The following UBE3C variants were observed in gnomAD, a reference collection of about 807,000 sequenced individuals.
UBE3C encodes the protein ubiquitin protein ligase E3C.
In UBE3C, 42 loss-of-function variants were observed where a neutral mutation model predicts 129.4. The ratio of observed to expected loss-of-function variants is 0.32; its 90% CI spans 0.25 to 0.42. The LOEUF is 0.42. Ranked by LOEUF, UBE3C falls within the 10% of genes least tolerant of loss-of-function variation. The pLI is 1.00. For synonymous variants in UBE3C, 510 were observed against 492.4 expected (o/e 1.04, Z -0.47); for missense variants, 1,049 against 1,319.1 (o/e 0.80, Z 3.17).
intron 1 of UBE3C, among the ~76,000 whole-genome samples, chr7:157,144,969 A>G (rs755656547): frequency 1.3e-5 from 2 of 152,110 alleles, no homozygotes; most frequent in Admixed American, 1.3e-4. Context: ...TATACAGAAG[A>G]GTGTCATTGC....
Position 157,220,757 on chromosome 7 carries a change from G to T in UBE3C, c.1983G>T (p.Pro661=). The T allele has an allele frequency of 6.2e-7, 1 of 1,614,146 alleles. No individual in the cohort carries two copies. The highest frequency in any genetic ancestry group is 1.6e-4 in the Middle Eastern group (1 of 6,062). Residue 661 remains proline (P), a synonymous_variant, in exon 15 of 23, where the codon CCG becomes CCT. Coordinates refer to ENST00000348165, the MANE Select transcript of UBE3C (RefSeq NM_014671.3). ...TCCGGCGGATGGGGAGGATAGGCCC[G>T]CTGCAGTCCACCCTGGACGGTGAGT... ...WRFRRMGRIG[P]LQSTLDVGLE... is the part of the protein sequence containing the mutation.
chr7:157,254,920 G>A (rs1054094146), intron 21 of UBE3C, among the ~76,000 whole-genome samples: 2 of 86,666 alleles, frequency 2.3e-5, no homozygotes, highest in Non-Finnish European at 4.3e-5. Flanking sequence ...CAGTCCCAGC[G>A]TGGTGGCGTA....
intron 13 of UBE3C, 130 bp from the exon 14 acceptor site, chr7:157,216,737 G>A (rs1795585128): frequency 1.4e-6 from 1 of 689,712 alleles, no homozygotes; most frequent in Admixed American, 2.8e-5. Context: ...TCTGTGAGCG[G>A]GTTTGGTGTC....
At chr7:157,262,408 G>GTTT (rs1247521634) in intron 22 of UBE3C, among the ~76,000 whole-genome samples, 12 of 19,688 alleles carry the variant, frequency 6.1e-4, no homozygotes, top group Non-Finnish European at 9.2e-4. Context: ...CTCTTCATAG[G>GTTT]CTTTTTTTTT....
At chr7:157,267,471 G>T (rs1797110758) in intron 22 of UBE3C, 114 bp from the exon 23 acceptor site, 2 of 1,275,152 alleles carry the variant, frequency 1.6e-6, no homozygotes, top group South Asian at 2.6e-5. Context: ...GGGAAAATGT[G>T]ACTGCAATGG....
intron 13 of UBE3C, among the ~76,000 whole-genome samples, chr7:157,210,959 G>C (rs1460177343): frequency 1.3e-5 from 2 of 152,190 alleles, no homozygotes; most frequent in Non-Finnish European, 2.9e-5. Context: ...TGCTAAAACA[G>C]TTTATGCATT....
At chr7:157,202,245 T>G (rs1160131980) in intron 11 of UBE3C, among the ~76,000 whole-genome samples, 2 of 152,242 alleles carry the variant, frequency 1.3e-5, no homozygotes, top group African/African-American at 4.8e-5. Flanking sequence ...TTAAAAAATA[T>G]CATCTTTGAC....
At chr7:157,164,689 C>A (rs1392945591) in intron 2 of UBE3C, among the ~76,000 whole-genome samples, 1 of 152,064 alleles carries the variant, frequency 6.6e-6, no homozygotes, top group East Asian at 1.9e-4. Flanking sequence ...TTTAACAATT[C>A]ATTTAGGCCC....
intron 10 of UBE3C, among the ~76,000 whole-genome samples, chr7:157,194,939 G>A (rs1809075548): frequency 6.6e-6 from 1 of 151,988 alleles, no homozygotes; most frequent in African/African-American, 2.4e-5. Flanking sequence ...ATTGAGGGAA[G>A]AACTGTTGAA....
At chr7:157,172,936 T>C (rs1808418172) in intron 4 of UBE3C, among the ~76,000 whole-genome samples, 1 of 152,226 alleles carries the variant, frequency 6.6e-6, no homozygotes, top group South Asian at 2.1e-4. Flanking sequence ...ACAGTCTTGC[T>C]TCAGAAGCCA....
chr7:157,244,712 G>A (rs1014576559), intron 18 of UBE3C, among the ~76,000 whole-genome samples: 4 of 152,152 alleles, frequency 2.6e-5, no homozygotes, highest in Admixed American at 6.5e-5. Context: ...ATTGCGTCGC[G>A]ACTGCACTCA....
At chr7:157,229,355 C>T (rs1795959961) in intron 17 of UBE3C, among the ~76,000 whole-genome samples, 1 of 152,146 alleles carries the variant, frequency 6.6e-6, no homozygotes, top group Non-Finnish European at 1.5e-5. Flanking sequence ...TCTCTTGTTG[C>T]CCAGGCTGGA....
chr7:157,236,839 C>G (rs1796165554), intron 18 of UBE3C, among the ~76,000 whole-genome samples: 1 of 151,968 alleles, frequency 6.6e-6, no homozygotes, highest in South Asian at 2.1e-4. Flanking sequence ...TCAAGCGATT[C>G]TCCTGCCTCA....
At chr7:157,167,338 C>T (rs1808245297) in intron 2 of UBE3C, among the ~76,000 whole-genome samples, 2 of 152,186 alleles carry the variant, frequency 1.3e-5, no homozygotes, top group Non-Finnish European at 2.9e-5. Flanking sequence ...TTGTAGATGG[C>T]ATTCATAGAA....
chr7:157,153,169 G>C (rs1232782374), intron 1 of UBE3C, among the ~76,000 whole-genome samples: 2 of 152,120 alleles, frequency 1.3e-5, no homozygotes, highest in Non-Finnish European at 2.9e-5. Context: ...CTTCACTTCA[G>C]CCTGGATGAA....
In UBE3C at chr7:157,178,831, C is replaced by T. The variant is rs1390812875; in HGVS notation, c.600C>T (p.His200=). 6.2e-7 allele frequency: 1 copy of T among 1,614,138 alleles called. No individual in the cohort carries two copies. ...TGTCAGTGATTGAACAAATTTTGCA[C>T]TACATGATTCACAATGGTAAGTAGT... ...YVVSVIEQIL[H]YMIHNGYYRS... Residue 200 remains histidine (H), a synonymous_variant, in exon 6 of 23, where the codon CAC becomes CAT. Transcript: ENST00000348165.
At chr7:157,160,920 A>G (rs1262582350) in intron 1 of UBE3C, among the ~76,000 whole-genome samples, 1 of 152,154 alleles carries the variant, frequency 6.6e-6, no homozygotes, top group Non-Finnish European at 1.5e-5. Flanking sequence ...GTATAATCCT[A>G]TGGATTAAAA....
chr7:157,246,509 T>C (rs1402661558), intron 18 of UBE3C, among the ~76,000 whole-genome samples: 1 of 152,238 alleles, frequency 6.6e-6, no homozygotes, highest in Non-Finnish European at 1.5e-5. Flanking sequence ...GATGAATGAC[T>C]ACCCCATAAA....
Position 157,201,716 on chromosome 7 carries a change from T to C in UBE3C, c.1332-5T>C. 1 of 1,593,348 alleles carries C rather than the reference T, an allele frequency of 6.3e-7. No homozygotes were observed. The highest frequency in any genetic ancestry group is 8.5e-7 in the Non-Finnish European group (1 of 1,170,224). On this transcript the variant is annotated splice_polypyrimidine_tract_variant and splice_region_variant and intron_variant, in intron 10 of 22. Coordinates refer to ENST00000348165, the MANE Select transcript of UBE3C (RefSeq NM_014671.3). ...GTTCTGTGTTTTTCTCCTATTCCTT[T>C]TTAGGCTTCTCTACAGTTTAGCCTT...
Sources: allele counts gnomAD v4.1 joint callset (sites outside exome capture counted in the v4.1 genomes callset), GRCh38; gene constraint gnomAD v4.1.1; transcripts MANE v1.5; gene names NCBI Gene and HGNC (gene_info 2026-07-23, HGNC 2026-07-21).